The following ENTREP1 variants were observed in gnomAD, a reference collection of about 807,000 sequenced individuals.
ENTREP1 encodes endosomal transmembrane epsin interactor 1.
chr9:69,360,729 A>G, the ENTREP1 span, among the ~76,000 whole-genome samples: 1 of 151,838 alleles, frequency 6.6e-6, no homozygotes, highest in Non-Finnish European at 1.5e-5. Context: ...TCCTTTCACC[A>G]TTATCTTGGG....
chr9:69,377,625 T>A, the ENTREP1 span: 1 of 1,613,936 alleles, frequency 6.2e-7, no homozygotes, highest in Admixed American at 1.7e-5. Flanking sequence ...AATCCCAGAT[T>A]TCTGCTGAAG....
chr9:69,388,074 G>C, the ENTREP1 span: 22 of 1,610,856 alleles, frequency 1.4e-5, no homozygotes, highest in African/African-American at 2.7e-5. Context: ...TCCATGTTGA[G>C]TTTTGTGGTC....
At chr9:69,356,524 TGAG>T in the ENTREP1 span, among the ~76,000 whole-genome samples, 2 of 151,988 alleles carry the variant, frequency 1.3e-5, no homozygotes, top group Non-Finnish European at 2.9e-5. Context: ...TGCTGAACCT[TGAG>T]AAGCTAAGAG....
At chr9:69,383,407 A>G in the ENTREP1 span, 4 of 1,363,936 alleles carry the variant, frequency 2.9e-6, no homozygotes, top group Non-Finnish European at 9.5e-7. Context: ...TTTAAAAGCA[A>G]TGATGGGGTT....
the ENTREP1 span, among the ~76,000 whole-genome samples, chr9:69,358,397 A>G: frequency 6.6e-6 from 1 of 152,196 alleles, no homozygotes; most frequent in Non-Finnish European, 1.5e-5. Context: ...ATTTTCTTTC[A>G]TTTGTTCATT....
At chr9:69,350,943 T>C in the ENTREP1 span, among the ~76,000 whole-genome samples, 1 of 152,144 alleles carries the variant, frequency 6.6e-6, no homozygotes, top group Non-Finnish European at 1.5e-5. Context: ...GATAAAATAA[T>C]GAGTCTCAGG....
At chr9:69,367,874 T>TATATACAC in the ENTREP1 span, among the ~76,000 whole-genome samples, 26 of 90,610 alleles carry the variant, frequency 2.9e-4, 2 homozygotes, top group South Asian at 1.7e-3. Flanking sequence ...TATATATAAA[T>TATATACAC]ATATATATAC....
chr9:69,379,589 C>A, the ENTREP1 span: 1 of 152,190 alleles, frequency 6.6e-6, no homozygotes, highest in Non-Finnish European at 1.5e-5. Context: ...TCTTTCTGTA[C>A]CTGAGGACAC....
the ENTREP1 span, among the ~76,000 whole-genome samples, chr9:69,340,722 CAT>C: frequency 1.7e-4 from 4 of 22,954 alleles, no homozygotes; most frequent in African/African-American, 3.6e-4. Context: ...TGTGTGCATG[CAT>C]GTGTGTGTGT....
chr9:69,338,866 GAA>G, the ENTREP1 span, among the ~76,000 whole-genome samples: 8 of 152,304 alleles, frequency 5.3e-5, no homozygotes, highest in South Asian at 1.5e-3. Context: ...TATGTACTTA[GAA>G]GGTCGCATAG....
the ENTREP1 span, among the ~76,000 whole-genome samples, chr9:69,326,630 G>A: frequency 6.6e-6 from 1 of 152,254 alleles, no homozygotes; most frequent in South Asian, 2.1e-4. Context: ...ACCCCTTGAC[G>A]TTTTCTGGGT....
At chr9:69,326,580 C>A in the ENTREP1 span, among the ~76,000 whole-genome samples, 1 of 152,162 alleles carries the variant, frequency 6.6e-6, no homozygotes, top group Non-Finnish European at 1.5e-5. Flanking sequence ...TGGCCACTCC[C>A]CCCTGCCTCC....
the ENTREP1 span, among the ~76,000 whole-genome samples, chr9:69,367,872 AAT>A: frequency 2.2e-4 from 17 of 77,700 alleles, no homozygotes; most frequent in East Asian, 2.0e-3. Context: ...CATATATATA[AAT>A]ATATATATAC....
the ENTREP1 span, among the ~76,000 whole-genome samples, chr9:69,351,843 A>T: frequency 6.6e-6 from 1 of 151,888 alleles, no homozygotes; most frequent in Non-Finnish European, 1.5e-5. Context: ...ATTTCTGTTT[A>T]TTTGTCTTTT....
the ENTREP1 span, among the ~76,000 whole-genome samples, chr9:69,338,949 G>A: frequency 6.6e-6 from 1 of 152,120 alleles, no homozygotes; most frequent in African/African-American, 2.4e-5. Context: ...ATTCTACAAG[G>A]GAAAACTTTG....
chr9:69,391,795 T>A, the ENTREP1 span: 31 of 1,602,034 alleles, frequency 1.9e-5, no homozygotes, highest in Admixed American at 5.2e-5. Context: ...TCCGAGAGAC[T>A]GTCCTGTGAA....
chr9:69,353,313 A>G, the ENTREP1 span, among the ~76,000 whole-genome samples: 1 of 151,978 alleles, frequency 6.6e-6, no homozygotes, highest in Non-Finnish European at 1.5e-5. Context: ...ATGTTTTGTT[A>G]TGAGAATTCT....
chr9:69,332,343 G>T, the ENTREP1 span, among the ~76,000 whole-genome samples: 1 of 152,232 alleles, frequency 6.6e-6, no homozygotes, highest in African/African-American at 2.4e-5. Flanking sequence ...ATTGTAAAGA[G>T]CGGTGGCTTA....
the ENTREP1 span, among the ~76,000 whole-genome samples, chr9:69,352,554 C>T: frequency 0.019 from 2,854 of 152,270 alleles, 76 homozygotes; most frequent in African/African-American, 0.065. Context: ...CGACTAATCA[C>T]ATGAGGTGTT....
Sources: gnomAD v4.1 joint callset for allele counts (sites outside exome capture counted in the v4.1 genomes callset) on GRCh38, gnomAD v4.1.1 for gene constraint, MANE v1.5 for transcripts, NCBI Gene and HGNC (gene_info 2026-07-23, HGNC 2026-07-21) for gene names.